C19orf47: variants seen among roughly 807,000 people sequenced by gnomAD.
C19orf47 encodes uncharacterized protein C19orf47.
C19orf47 carries 18 observed loss-of-function variants against 32.3 expected under a neutral mutation model. The ratio of observed to expected loss-of-function variants is 0.56; its 90% confidence interval spans 0.39 to 0.83. C19orf47 has a LOEUF of 0.83. C19orf47 is among the 40% of genes least tolerant of loss of function. C19orf47 has a pLI of 0.00. For missense variants in C19orf47, 484 were observed against 531.6 expected, an observed-to-expected ratio of 0.91 and a Z score of 0.88; for synonymous variants, 202 against 211.1, an observed-to-expected ratio of 0.96 and a Z score of 0.37.
rs781460839 is a variant in C19orf47 at position 40,322,275 on chromosome 19, G to A, written c.765C>T (p.Ala255=). ...NDSSSSVLQY[A]GVLKKLGRGP... ...CCCGTCCTAGCTTCTTCAGGACCCCGGCATACTGCAAGACAGAGCTGCTGC... is the reference window on the plus strand; with the variant it reads ...CCCGTCCTAGCTTCTTCAGGACCCCAGCATACTGCAAGACAGAGCTGCTGC... Residue 255 remains alanine (A), a synonymous_variant, in exon 9 of 9, where the codon GCC becomes GCT. Transcript: ENST00000683109. The A allele has an allele frequency of 3.6e-5, 58 of 1,608,748 alleles. No individual in the cohort carries two copies. The highest frequency in any genetic ancestry group is 1.1e-4 in the South Asian group (10 of 91,088).
At chr19:40,315,023 A>G (rs1265417903), downstream of C19orf47, among the ~76,000 whole-genome samples, 1 of 152,194 alleles carries the variant, frequency 6.6e-6, no homozygotes, top group Non-Finnish European at 1.5e-5. Context: ...ATCAAAACCA[A>G]AGAAAGTCTG....
chr19:40,321,320 G>A lies in C19orf47; in HGVS notation c.*562C>T. ...CCGCTGGGAGGCCGGAGGTACAGGA[G>A]GGTCGGGCAGGACGCAGCGGACAGT... is the stretch of plus-strand genomic sequence containing the variant. On this transcript the variant is annotated 3_prime_UTR_variant, in exon 9 of 9. Coordinates refer to ENST00000683109, the MANE Select transcript of C19orf47 (RefSeq NM_001256441.2). The A allele has an allele frequency of 2.0e-6, 2 of 986,654 alleles. No homozygotes were observed. Among genetic ancestry groups the A allele is most frequent in the Non-Finnish European group, 1.2e-6 (1 of 830,414 alleles). 61.1% of individuals were successfully genotyped at this position (986,654 alleles called of 1,614,324 possible).
the C19orf47 span, among the ~76,000 whole-genome samples, chr19:40,301,312 C>CTTTTTTTT: frequency 7.4e-5 from 10 of 135,780 alleles, no homozygotes; most frequent in African/African-American, 3.0e-4. Flanking sequence ...CCTTGAGAGG[C>CTTTTTTTT]TTTTATTTAT....
At chr19:40,312,371 C>T in the C19orf47 span, among the ~76,000 whole-genome samples, 3 of 152,118 alleles carry the variant, frequency 2.0e-5, no homozygotes, top group Non-Finnish European at 2.9e-5. Flanking sequence ...TGGTGAAACC[C>T]CATCTCTACT....
At chr19:40,304,353 C>T in the C19orf47 span, among the ~76,000 whole-genome samples, 57 of 152,210 alleles carry the variant, frequency 3.7e-4, no homozygotes, top group Non-Finnish European at 7.5e-4. Context: ...CCCTTATCTA[C>T]CTAAACACGG....
Position 40,328,525 on chromosome 19 carries a change from G to T in C19orf47, c.327C>A (p.Ser109Arg). ...TGCTGGGTGGAGAGTCATGGTTCAG[G>T]CTGTTGGTGATCATTCGGGAGGCAG... ...TSAASRMITN[S>R]LNHDSPPSTP... The change falls in exon 6 of 9, where the codon AGC becomes AGA. Residue 109 changes from serine (S) to arginine (R), a missense_variant. Transcript: ENST00000683109. 1 of 1,608,774 alleles carries T rather than the reference G, an allele frequency of 6.2e-7. No homozygotes were observed. Among genetic ancestry groups the T allele is most frequent in the Middle Eastern group, 1.7e-4 (1 of 6,038 alleles).
the C19orf47 span, among the ~76,000 whole-genome samples, chr19:40,297,339 G>A: frequency 6.6e-6 from 1 of 152,180 alleles, no homozygotes. Flanking sequence ...GCCAAGGTGG[G>A]CAGATTAGTT....
intron 2 of C19orf47, among the ~76,000 whole-genome samples, chr19:40,337,550 G>A (rs2078090079): frequency 6.6e-6 from 1 of 152,036 alleles, no homozygotes; most frequent in East Asian, 1.9e-4. Context: ...CTGACAGTGT[G>A]CCATAGTTTA....
chr19:40,296,897 G>C, the C19orf47 span, among the ~76,000 whole-genome samples: 1 of 151,802 alleles, frequency 6.6e-6, no homozygotes, highest in Non-Finnish European at 1.5e-5. Context: ...CTGGGCAACA[G>C]AGCAAGACCC....
rs2078374446 is a variant in C19orf47, at chr19:40,348,357, C to T, written c.-67G>A. The T allele has an allele frequency of 1.4e-5, 20 of 1,396,522 alleles. No homozygotes were observed. Among genetic ancestry groups the T allele is most frequent in the Non-Finnish European group, 1.7e-5 (18 of 1,075,538 alleles). The allele number at this position is 1,396,522 out of a possible 1,614,324, so 86.5% of individuals were successfully genotyped here. A position where few individuals can be genotyped will look rare whatever the true frequency, so the allele number is the denominator to read the frequency against. On this transcript the variant is annotated 5_prime_UTR_variant, in exon 1 of 9. Coordinates refer to ENST00000683109, the MANE Select transcript of C19orf47 (RefSeq NM_001256441.2). ...CCGGGCCCGCGCCCACTCGCGCCGC[C>T]CGCCCTCCCTCCCGGCGGCGCCAAC...
chr19:40,321,606 G>A lies in C19orf47; in HGVS notation c.*276C>T, dbSNP rs372582594. The A allele has an allele frequency of 1.6e-6, 2 of 1,234,570 alleles. No individual in the cohort carries two copies. Among genetic ancestry groups the A allele is most frequent in the African/African-American group, 3.1e-5 (2 of 64,792 alleles). 76.5% of individuals were successfully genotyped at this position (1,234,570 alleles called of 1,614,324 possible). A position where few individuals can be genotyped will look rare whatever the true frequency, so the allele number is the denominator to read the frequency against. On this transcript the variant is annotated 3_prime_UTR_variant, in exon 9 of 9. Transcript: ENST00000683109. ...AGAAGCCCCCTGGCACTTGGGAGAG[G>A]TAGAAAAGTGGGTTCTGCCAAGGCC...
At chr19:40,302,905 C>T in the C19orf47 span, among the ~76,000 whole-genome samples, 2 of 152,146 alleles carry the variant, frequency 1.3e-5, no homozygotes, top group Non-Finnish European at 1.5e-5. Flanking sequence ...AGATAAATCA[C>T]CACAAACACT....
chr19:40,332,754 A>G (rs1339923804), intron 5 of C19orf47: 2 of 152,186 alleles, frequency 1.3e-5, no homozygotes, highest in African/African-American at 4.8e-5. Context: ...GTAACCCCAA[A>G]ATCAATACAG....
chr19:40,340,727 C>A lies in C19orf47; in HGVS notation c.19+1112G>T, dbSNP rs556086492. Among the ~76,000 whole-genome samples the A allele has an allele frequency of 2.6e-5, 4 of 151,376 alleles. No homozygotes were observed. The South Asian group carries it at 8.4e-4, about 32-fold the overall frequency. ...GGCGCAGTGGCTCACATGTGTAATC[C>A]CAGCACTTTGGGAGGCTGAGGCAGG... On this transcript the variant is annotated intron_variant, in intron 2 of 8. Coordinates refer to ENST00000683109, the MANE Select transcript of C19orf47 (RefSeq NM_001256441.2).
rs761319499 is a variant in C19orf47 at position 40,326,413 on chromosome 19, C to T, written c.513G>A (p.Glu171=). ...TGGGCATGTTGATGACGTACTTCCC[C>T]TCCATCTCAGCAGTGACCCGGCGCC... ...AKRRRVTAEM[E]GKYVINMPKG... The change falls in exon 7 of 9, where the codon GAG becomes GAA. Residue 171 remains glutamate (E), a synonymous_variant. Transcript: ENST00000683109. The T allele has an allele frequency of 5.6e-6, 9 of 1,614,088 alleles. No individual in the cohort carries two copies. Among genetic ancestry groups the T allele is most frequent in the Non-Finnish European group, 7.6e-6 (9 of 1,180,046 alleles).
chr19:40,323,826 G>A (rs1475055228), intron 8 of C19orf47, among the ~76,000 whole-genome samples, 180 bp downstream of exon 8: 1 of 152,192 alleles, frequency 6.6e-6, no homozygotes, highest in Non-Finnish European at 1.5e-5. Flanking sequence ...GAAACTGGGA[G>A]AGAAGCCAGG....
At position 40,321,957 on chromosome 19, in the gene C19orf47, G is replaced by T; in HGVS notation, c.1083C>A (p.Ser361Arg). 6.2e-7 allele frequency: 1 copy of T among 1,613,764 alleles called. No homozygotes were observed. The highest frequency in any genetic ancestry group is 8.5e-7 in the Non-Finnish European group (1 of 1,179,924). ...GGTCCATCTGGGCACCAAGGCCCTC[G>T]CTGGAGCTGCTCCCCCGGGGCCCCA... The part of the protein sequence containing the change: ...TLVGPRGSSS[S>R]EGLGAQMDHA... The change falls in exon 9 of 9, where the codon AGC (serine) becomes AGA (arginine). Residue 361 changes from serine (S) to arginine (R), a missense_variant. Ser to Arg is a moderately radical substitution (Grantham distance 110, BLOSUM62 -1). Coordinates refer to ENST00000683109, the MANE Select transcript of C19orf47 (RefSeq NM_001256441.2).
In C19orf47 at chr19:40,321,791, AG is replaced by A; in HGVS notation, c.*90del. ...AGGGAGACAAGCTGTGTCATCCAGG[AG>A]CTGGTGGGAGGCGTGATGAAGCCAG... On this transcript the variant is annotated 3_prime_UTR_variant, in exon 9 of 9. Transcript: ENST00000683109. The A allele has an allele frequency of 6.9e-7, 1 of 1,444,200 alleles. No homozygotes were observed. The highest frequency in any genetic ancestry group is 9.1e-7 in the Non-Finnish European group (1 of 1,102,126). The allele number at this position is 1,444,200 out of a possible 1,614,324, so 89.5% of individuals were successfully genotyped here. A position where few individuals can be genotyped will look rare whatever the true frequency, so the allele number is the denominator to read the frequency against.
chr19:40,341,445 G>C (rs912396312), intron 2 of C19orf47, among the ~76,000 whole-genome samples: 7 of 152,088 alleles, frequency 4.6e-5, no homozygotes, highest in African/African-American at 1.7e-4. Context: ...CCCAAATACA[G>C]AGCTTAAGGC....
Sources: allele counts gnomAD v4.1 joint callset (sites outside exome capture counted in the v4.1 genomes callset), GRCh38; gene constraint gnomAD v4.1.1; transcripts MANE v1.5; gene names NCBI Gene and HGNC (gene_info 2026-07-23, HGNC 2026-07-21).